The following SORCS1 variants were observed in gnomAD, a reference collection of about 807,000 sequenced individuals.
SORCS1 encodes sortilin related VPS10 domain containing receptor 1.
SORCS1 carries 60 observed loss-of-function variants against 146.1 expected under a neutral mutation model. The observed-to-expected ratio is 0.41, with a 90% CI of 0.33 to 0.51. The LOEUF (loss-of-function observed/expected upper bound fraction) is 0.51. Among genes scored for constraint, SORCS1 ranks in the 20% least tolerant of loss-of-function variants. The probability of loss-of-function intolerance (pLI) is 0.21; values close to 1 mark genes in which losing one functional copy is unlikely to be tolerated. For synonymous variants in SORCS1, 637 were observed against 584.0 expected, an observed-to-expected ratio of 1.09 and a Z score of -1.31; for missense variants, 1,352 against 1,487.6, an observed-to-expected ratio of 0.91 and a Z score of 1.50.
chr10:106,779,441 A>G (rs1288478068), intron 3 of SORCS1, among the ~76,000 whole-genome samples: 5 of 152,138 alleles, frequency 3.3e-5, no homozygotes, highest in Non-Finnish European at 7.3e-5. Context: ...TGCAAGTTAA[A>G]CCATGTTTGT....
chr10:107,137,776 C>T (rs558193489), intron 1 of SORCS1, among the ~76,000 whole-genome samples: 2 of 151,646 alleles, frequency 1.3e-5, no homozygotes, highest in East Asian at 1.9e-4. Context: ...GCAGGAGAAT[C>T]GCTTGAACCC....
chr10:106,824,636 C>T (rs1322164247), intron 3 of SORCS1, among the ~76,000 whole-genome samples: 1 of 150,530 alleles, frequency 6.6e-6, no homozygotes, highest in Non-Finnish European at 1.5e-5. Context: ...ACTACTCAAC[C>T]AAATGACAAG....
At chr10:106,822,842 A>G (rs1437598642) in intron 3 of SORCS1, among the ~76,000 whole-genome samples, 4 of 125,758 alleles carry the variant, frequency 3.2e-5, no homozygotes, top group Admixed American at 9.9e-5. Context: ...GTGCAGTGGT[A>G]TGATCTCGGC....
At chr10:106,761,437 T>C in intron 5 of SORCS1, 151 bp downstream of exon 5, 1 of 626,662 alleles carries the variant, frequency 1.6e-6, no homozygotes, top group East Asian at 2.7e-5. Flanking sequence ...TACTCTAATG[T>C]CACATCCTGC....
intron 1 of SORCS1, among the ~76,000 whole-genome samples, chr10:107,157,056 G>A (rs1221040751): frequency 1.3e-5 from 2 of 152,188 alleles, no homozygotes; most frequent in Non-Finnish European, 2.9e-5. Flanking sequence ...TTGAAAAGCT[G>A]AACCTGGAAC....
At chr10:106,849,862 GC>G (rs1949472365) in intron 2 of SORCS1, among the ~76,000 whole-genome samples, 1 of 152,116 alleles carries the variant, frequency 6.6e-6, no homozygotes, top group Non-Finnish European at 1.5e-5. Context: ...GTGTCAGTGT[GC>G]CCCTGCTGGT....
At chr10:106,739,658 A>T (rs7914366) in intron 5 of SORCS1, among the ~76,000 whole-genome samples, 119,539 of 150,842 alleles carry the variant, frequency 0.79, 47,961 homozygotes, top group Non-Finnish European at 0.87. Flanking sequence ...ATACAAAAAA[A>T]ATATATATAT....
chr10:107,050,024 A>T (rs922022503), intron 1 of SORCS1, among the ~76,000 whole-genome samples: 1 of 152,226 alleles, frequency 6.6e-6, no homozygotes. Context: ...ACAAGTGTAC[A>T]TGCATATTCC....
At chr10:106,932,917 G>A (rs771428455) in intron 2 of SORCS1, among the ~76,000 whole-genome samples, 7 of 152,144 alleles carry the variant, frequency 4.6e-5, no homozygotes, top group Non-Finnish European at 2.9e-5. Flanking sequence ...TCTGAGACCC[G>A]GGCCTCTGCA....
intron 1 of SORCS1, among the ~76,000 whole-genome samples, chr10:107,115,827 G>A (rs940923955): frequency 4.7e-4 from 71 of 151,784 alleles, no homozygotes; most frequent in African/African-American, 1.5e-3. Flanking sequence ...TGGAATGAGA[G>A]AGAATGTTTG....
At chr10:107,065,506 TCC>T (rs1961740127) in intron 1 of SORCS1, among the ~76,000 whole-genome samples, 2 of 47,358 alleles carry the variant, frequency 4.2e-5, no homozygotes, top group African/African-American at 1.6e-4. Flanking sequence ...TCCTCTCCTC[TCC>T]TCTCTTTCTT....
upstream of SORCS1, among the ~76,000 whole-genome samples, chr10:107,166,565 G>T (rs759812967): frequency 6.6e-6 from 1 of 152,206 alleles, no homozygotes; most frequent in Non-Finnish European, 1.5e-5. Context: ...GCAGGCTATG[G>T]CCTCTAGATG....
At chr10:107,000,339 C>T (rs563587287) in intron 1 of SORCS1, among the ~76,000 whole-genome samples, 2 of 152,108 alleles carry the variant, frequency 1.3e-5, no homozygotes, top group Non-Finnish European at 2.9e-5. Context: ...ATGGCTCATG[C>T]CTGTAATCCC....
chr10:106,608,825 G>A (rs970903527), intron 22 of SORCS1, among the ~76,000 whole-genome samples: 2 of 152,164 alleles, frequency 1.3e-5, no homozygotes, highest in Non-Finnish European at 2.9e-5. Context: ...CTGCCATGTA[G>A]GCCCATGACA....
intron 2 of SORCS1, among the ~76,000 whole-genome samples, chr10:106,867,238 C>A (rs1950252709): frequency 6.6e-6 from 1 of 152,016 alleles, no homozygotes; most frequent in Non-Finnish European, 1.5e-5. Context: ...AACAGTAGAC[C>A]TCTCAGCTAA....
intron 1 of SORCS1, among the ~76,000 whole-genome samples, chr10:107,015,659 G>GCT (rs1489873158): frequency 1.3e-5 from 2 of 152,146 alleles, no homozygotes; most frequent in East Asian, 3.8e-4. Context: ...TGGCCTCCTG[G>GCT]CTCTCTCAAT....
At chr10:106,603,288 T>C (rs1846365087) in intron 23 of SORCS1, among the ~76,000 whole-genome samples, 1 of 152,084 alleles carries the variant, frequency 6.6e-6, no homozygotes, top group South Asian at 2.1e-4. Flanking sequence ...CAGCACGCGC[T>C]CCCCTTGATG....
intron 1 of SORCS1, among the ~76,000 whole-genome samples, chr10:107,045,211 G>A (rs1455321296): frequency 2.6e-5 from 4 of 152,150 alleles, no homozygotes; most frequent in Non-Finnish European, 5.9e-5. Flanking sequence ...GCTTAAGTGT[G>A]CATAAGATTT....
rs1589852560 is a variant in SORCS1 at position 106,776,434 on chromosome 10, C to T, written c.885+100G>A. 9 of 1,493,060 alleles carry T rather than the reference C, an allele frequency of 6.0e-6. No individual in the cohort carries two copies. In the Middle Eastern group the frequency reaches 5.3e-4, roughly 88 times the overall value. The allele number at this position is 1,493,060 out of a possible 1,614,324, so 92.5% of individuals were successfully genotyped here. On this transcript the variant is annotated intron_variant, in intron 4 of 25. Coordinates refer to ENST00000263054, the MANE Select transcript of SORCS1 (RefSeq NM_052918.5). ...ACAGAGGTCAGGCTACTGCTCAGAACAAAAATGATCACTGAGGTGAAATGG... is the reference window on the plus strand; with the variant it reads ...ACAGAGGTCAGGCTACTGCTCAGAATAAAAATGATCACTGAGGTGAAATGG...
Sources: allele counts gnomAD v4.1 joint callset (sites outside exome capture counted in the v4.1 genomes callset), GRCh38; gene constraint gnomAD v4.1.1; transcripts MANE v1.5; gene names NCBI Gene and HGNC (gene_info 2026-07-23, HGNC 2026-07-21).